The following SAXO4 variants were observed in gnomAD, a reference collection of about 807,000 sequenced individuals.
SAXO4 encodes protein phosphatase 1 regulatory subunit 32.
chr11:61,487,053 G>A, the SAXO4 span: 3 of 1,613,902 alleles, frequency 1.9e-6, no homozygotes, highest in African/African-American at 2.7e-5. Context: ...GGAGACTGTG[G>A]GGAAAAAGGT....
At chr11:61,481,919 G>A in the SAXO4 span, 1 of 1,577,586 alleles carries the variant, frequency 6.3e-7, no homozygotes, top group Non-Finnish European at 8.6e-7. Context: ...ACCGCCTACG[G>A]TGAGGGTGCC....
chr11:61,489,498 T>C, the SAXO4 span: 1 of 574,174 alleles, frequency 1.7e-6, no homozygotes, highest in Non-Finnish European at 3.1e-6. Context: ...GAGAAGTGGA[T>C]GAGACGGGGT....
the SAXO4 span, chr11:61,484,721 G>T: frequency 6.2e-7 from 1 of 1,613,682 alleles, no homozygotes; most frequent in Non-Finnish European, 8.5e-7. Context: ...CCAGGAGCAC[G>T]GGCCTCAGGC....
At chr11:61,490,464 C>G in the SAXO4 span, 1 of 1,582,850 alleles carries the variant, frequency 6.3e-7, no homozygotes, top group East Asian at 2.2e-5. Context: ...GCCCTGCCTG[C>G]CAACACCCCC....
the SAXO4 span, chr11:61,485,484 C>A: frequency 1.6e-6 from 2 of 1,275,876 alleles, no homozygotes; most frequent in Non-Finnish European, 2.2e-6. Context: ...CTGGAGCTGG[C>A]CTAGGACTGA....
the SAXO4 span, chr11:61,490,904 A>C: frequency 1.4e-5 from 5 of 363,964 alleles, no homozygotes; most frequent in Admixed American, 4.1e-5. Flanking sequence ...TACTTTCCTA[A>C]TGAAATAAAG....
the SAXO4 span, among the ~76,000 whole-genome samples, chr11:61,485,600 T>TCG: frequency 1.3e-5 from 2 of 152,128 alleles, no homozygotes; most frequent in African/African-American, 4.8e-5. Context: ...GCTTGGCCGG[T>TCG]GCATGCCCTT....
At chr11:61,485,751 ATGGGTGGGCCAGGTGGCC>A in the SAXO4 span, 2 of 1,448,942 alleles carry the variant, frequency 1.4e-6, no homozygotes, top group African/African-American at 2.8e-5. Context: ...TGGAGGACAC[ATGGGTGGGCCAGGTGGCC>A]TGGCAGCACA....
At chr11:61,486,290 C>T in the SAXO4 span, 54 of 1,599,100 alleles carry the variant, frequency 3.4e-5, no homozygotes, top group Non-Finnish European at 4.6e-5. Flanking sequence ...TGGGAGCCAC[C>T]AGGGGCCCAG....
chr11:61,486,199 AC>A, the SAXO4 span: 2 of 825,290 alleles, frequency 2.4e-6, no homozygotes, highest in Non-Finnish European at 3.8e-6. Flanking sequence ...CTCCCCAAAC[AC>A]TTCCCTTTTC....
At chr11:61,485,273 G>A in the SAXO4 span, 95 of 1,450,354 alleles carry the variant, frequency 6.6e-5, no homozygotes, top group Middle Eastern at 2.3e-4. Flanking sequence ...CCACTCCACC[G>A]CCGCCACACG....
At chr11:61,484,295 C>A in the SAXO4 span, among the ~76,000 whole-genome samples, 28 of 152,236 alleles carry the variant, frequency 1.8e-4, no homozygotes, top group African/African-American at 6.5e-4. Flanking sequence ...AACTGCAAAT[C>A]GGGAGGGTCG....
chr11:61,490,805 C>T, the SAXO4 span: 1 of 583,384 alleles, frequency 1.7e-6, no homozygotes, highest in Non-Finnish European at 3.1e-6. Flanking sequence ...CTCTGCTTCT[C>T]CTCTACAGGT....
the SAXO4 span, chr11:61,486,537 T>C: frequency 2.5e-5 from 40 of 1,614,160 alleles, no homozygotes; most frequent in African/African-American, 4.8e-4. Context: ...GATGAGTTCC[T>C]ACCTGTGTTG....
At chr11:61,489,706 C>T in the SAXO4 span, 9 of 1,492,390 alleles carry the variant, frequency 6.0e-6, no homozygotes, top group South Asian at 3.4e-5. Flanking sequence ...ATCTGAGGGT[C>T]GATGGAGAAG....
the SAXO4 span, chr11:61,482,892 G>T: frequency 4.3e-6 from 6 of 1,409,632 alleles, no homozygotes; most frequent in Non-Finnish European, 4.7e-6. Context: ...GGTCAAGGTG[G>T]AGGTGACAGG....
At chr11:61,483,941 T>TA in the SAXO4 span, among the ~76,000 whole-genome samples, 7,742 of 149,996 alleles carry the variant, frequency 0.052, 681 homozygotes, top group African/African-American at 0.18. Context: ...AGACTTGGAC[T>TA]AAAAAAAAAT....
chr11:61,487,337 T>A, the SAXO4 span: 4 of 1,067,800 alleles, frequency 3.7e-6, no homozygotes, highest in Non-Finnish European at 5.7e-6. Context: ...AGAAGATCAA[T>A]GCTGAGTGAA....
At chr11:61,486,482 G>A in the SAXO4 span, 1 of 1,612,118 alleles carries the variant, frequency 6.2e-7, no homozygotes, top group Non-Finnish European at 8.5e-7. Context: ...GGTGGGGGAG[G>A]CAGCCACATC....
Sources: gnomAD v4.1 joint callset for allele counts (sites outside exome capture counted in the v4.1 genomes callset) on GRCh38, gnomAD v4.1.1 for gene constraint, MANE v1.5 for transcripts, NCBI Gene and HGNC (gene_info 2026-07-23, HGNC 2026-07-21) for gene names.